Variants in INSL6 observed in about 807,000 individuals in gnomAD.
INSL6 encodes insulin-like peptide INSL6.
In INSL6, 16 loss-of-function variants were observed where a neutral mutation model predicts 9.4. That is an observed-to-expected ratio of 1.70 (90% CI 1.15 to 2.59). The LOEUF is 2.59. INSL6 is among the 30% of genes most tolerant of loss of function. The pLI is 0.00. For synonymous variants in INSL6, 154 were observed against 96.9 expected (o/e 1.59, Z -3.46); for missense variants, 391 against 257.3 (o/e 1.52, Z -3.56).
rs866477451 is a variant in INSL6 at position 5,125,742 on chromosome 9, T to C, written c.*11-1231A>G. On this transcript the variant is annotated intron_variant, in intron 3 of 3. Transcript: ENST00000649639. ...ATTTCCATTTCTTTTCTTAATGTGG[T>C]TGACTATATATTTGTTGGGTGTTTA... is the stretch of plus-strand genomic sequence containing the variant. Among the ~76,000 whole-genome samples, 140 of 151,708 alleles carry C rather than the reference T, an allele frequency of 9.2e-4. 1 individual carries two copies. The highest frequency in any genetic ancestry group is 3.2e-3 in the African/African-American group (133 of 41,552).
the INSL6 span, among the ~76,000 whole-genome samples, chr9:5,059,545 G>A: frequency 6.6e-6 from 1 of 152,010 alleles, no homozygotes; most frequent in Non-Finnish European, 1.5e-5. Flanking sequence ...TTTTTTGGTG[G>A]ACTTATGCAC....
the INSL6 span, chr9:5,113,793 C>T: frequency 2.4e-5 from 4 of 167,064 alleles, no homozygotes; most frequent in Non-Finnish European, 5.2e-5. Context: ...GCCAAACGCT[C>T]ACCTGCAGCG....
At chr9:5,159,388 A>C (rs1430419660), downstream of INSL6, among the ~76,000 whole-genome samples, 1 of 152,046 alleles carries the variant, frequency 6.6e-6, no homozygotes, top group Non-Finnish European at 1.5e-5. Context: ...AGGATCGAAC[A>C]ACCTCTTGCC....
At chr9:5,099,408 C>G in the INSL6 span, 2 of 152,144 alleles carry the variant, frequency 1.3e-5, no homozygotes, top group Non-Finnish European at 2.9e-5. Context: ...CAGTGAATGC[C>G]TCAACTAGAT....
chr9:5,151,597 G>A (rs942858716), intron 2 of INSL6, among the ~76,000 whole-genome samples: 4 of 151,922 alleles, frequency 2.6e-5, no homozygotes, highest in African/African-American at 4.8e-5. Flanking sequence ...AAGTTAGTCC[G>A]TGATATAAAG....
the INSL6 span, among the ~76,000 whole-genome samples, chr9:5,062,500 T>TAAAAAAAAAAAAAAAAA: frequency 2.7e-4 from 16 of 58,242 alleles, 2 homozygotes; most frequent in African/African-American, 1.5e-3. Flanking sequence ...CTTCCATTTG[T>TAAAAAAAAAAAAAAAAA]AAAAAAAAAA....
chr9:5,172,726 G>A (rs1825211745), intron 1 of INSL6, among the ~76,000 whole-genome samples: 2 of 152,124 alleles, frequency 1.3e-5, no homozygotes, highest in African/African-American at 4.8e-5. Flanking sequence ...TCAGGAATTC[G>A]AGACCAGTCT....
In INSL6 at chr9:5,133,604, G is replaced by A. The variant is rs376492351; in HGVS notation, c.377-12C>T. The A allele has an allele frequency of 2.0e-5, 3 of 152,302 alleles. No individual in the cohort carries two copies. In the East Asian group the frequency reaches 5.8e-4, roughly 29 times the overall value. 9.4% of individuals were successfully genotyped at this position (152,302 alleles called of 1,614,324 possible). A position where few individuals can be genotyped will look rare whatever the true frequency, so the allele number is the denominator to read the frequency against. ...AAACTCCAGCAGACCTGCAGCACAGGGGCCCGACTGTTAGAAGGAAAACTA... is the reference window on the plus strand; with the variant it reads ...AAACTCCAGCAGACCTGCAGCACAGAGGCCCGACTGTTAGAAGGAAAACTA... On this transcript the variant is annotated splice_polypyrimidine_tract_variant and intron_variant, in intron 2 of 3. Transcript: ENST00000649639.
downstream of INSL6, among the ~76,000 whole-genome samples, chr9:5,161,194 C>A (rs1408774463): frequency 6.6e-6 from 1 of 152,090 alleles, no homozygotes; most frequent in Admixed American, 6.5e-5. Context: ...CAACAAAATA[C>A]TAGTAAACCA....
chr9:5,106,848 A>AT, the INSL6 span, among the ~76,000 whole-genome samples: 2 of 152,150 alleles, frequency 1.3e-5, no homozygotes, highest in Admixed American at 1.3e-4. Flanking sequence ...GAGTTGAACA[A>AT]TGAGAACACT....
chr9:5,081,771 A>G, the INSL6 span: 1 of 1,602,166 alleles, frequency 6.2e-7, no homozygotes, highest in East Asian at 2.2e-5. Flanking sequence ...ATATGAGGAT[A>G]GGTGCCCTGG....
chr9:5,088,658 C>T, the INSL6 span, among the ~76,000 whole-genome samples: 2 of 152,278 alleles, frequency 1.3e-5, no homozygotes, highest in East Asian at 1.9e-4. Context: ...ACATTTATTT[C>T]TTTGAATTCC....
chr9:5,156,817 G>T (rs1335674501), intron 2 of INSL6, among the ~76,000 whole-genome samples: 3 of 151,994 alleles, frequency 2.0e-5, no homozygotes, highest in Non-Finnish European at 4.4e-5. Flanking sequence ...AAGAATAAGT[G>T]AATTTACAAT....
chr9:5,157,145 A>G (rs1824831533), intron 2 of INSL6, among the ~76,000 whole-genome samples: 1 of 152,224 alleles, frequency 6.6e-6, no homozygotes. Flanking sequence ...ATATAATACC[A>G]TGTTCATGGA....
chr9:5,067,003 A>G, the INSL6 span, among the ~76,000 whole-genome samples: 1 of 152,190 alleles, frequency 6.6e-6, no homozygotes, highest in South Asian at 2.1e-4. Flanking sequence ...TATAATGTCT[A>G]TCTTTTTATT....
At chr9:5,035,396 A>G in the INSL6 span, among the ~76,000 whole-genome samples, 1 of 152,226 alleles carries the variant, frequency 6.6e-6, no homozygotes, top group African/African-American at 2.4e-5. Context: ...GGCCAGCATC[A>G]TCCTGATACC....
At chr9:5,030,090 G>T in the INSL6 span, among the ~76,000 whole-genome samples, 1 of 152,284 alleles carries the variant, frequency 6.6e-6, no homozygotes, top group Admixed American at 6.5e-5. Context: ...TACATGTTGT[G>T]TAAGTAGAAT....
At chr9:5,002,609 T>C in the INSL6 span, among the ~76,000 whole-genome samples, 1 of 152,000 alleles carries the variant, frequency 6.6e-6, no homozygotes, top group Non-Finnish European at 1.5e-5. Flanking sequence ...TCTGCAGTTG[T>C]TGGGCATTGT....
chr9:5,022,033 A>T, the INSL6 span: 4 of 1,614,122 alleles, frequency 2.5e-6, no homozygotes, highest in South Asian at 4.4e-5. Context: ...GGGAACATCC[A>T]CCTCTTCTAT....
Sources: allele counts gnomAD v4.1 joint callset (sites outside exome capture counted in the v4.1 genomes callset), GRCh38; gene constraint gnomAD v4.1.1; transcripts MANE v1.5; gene names NCBI Gene and HGNC (gene_info 2026-07-23, HGNC 2026-07-21).